The following NKD1 variants were observed in gnomAD, a reference collection of about 807,000 sequenced individuals.
NKD1 encodes protein naked cuticle homolog 1.
NKD1 carries 21 observed loss-of-function variants against 56.0 expected under a neutral mutation model. The ratio of observed to expected loss-of-function variants is 0.38; its 90% confidence interval spans 0.27 to 0.54. The LOEUF is 0.54. Among genes scored for constraint, NKD1 ranks in the 20% least tolerant of loss-of-function variants. NKD1 has a pLI of 0.82. For synonymous variants in NKD1, 263 were observed against 265.7 expected, an observed-to-expected ratio of 0.99 and a Z score of 0.10; for missense variants, 578 against 642.7, an observed-to-expected ratio of 0.90 and a Z score of 1.09.
chr16:50,615,919 A>G lies in NKD1; in HGVS notation c.260-5683A>G, dbSNP rs771891592. 2.6e-4 allele frequency: 104 copies of G among 392,806 alleles called. 1 individual carries two copies. The highest frequency in any genetic ancestry group is 6.8e-5 in the Non-Finnish European group (13 of 191,262). 24.3% of individuals were successfully genotyped at this position (392,806 alleles called of 1,614,324 possible). The stretch of plus-strand genomic sequence containing the variant: ...ATTCCCTAAGGAGAGCCTGATACAG[A>G]TACTGCAAGAAACCATTTGGCCTGG... On this transcript the variant is annotated intron_variant, in intron 4 of 9. Transcript: ENST00000268459.
chr16:50,549,314 C>A, intron 2 of NKD1, 108 bp from the exon 3 acceptor site: 1 of 1,414,666 alleles, frequency 7.1e-7, no homozygotes. Context: ...CCTCCTGGCC[C>A]CCGTGCCGTG....
intron 3 of NKD1, among the ~76,000 whole-genome samples, chr16:50,592,108 A>T (rs903634739): frequency 1.3e-5 from 2 of 152,150 alleles, no homozygotes; most frequent in Non-Finnish European, 2.9e-5. Flanking sequence ...CCACAGGGAG[A>T]CGCCAGGCCT....
intron 3 of NKD1, chr16:50,557,990 G>A (rs978815267): frequency 6.6e-6 from 1 of 152,242 alleles, no homozygotes; most frequent in East Asian, 1.9e-4. Flanking sequence ...AGAGGGGTGG[G>A]AACCGGGGTG....
intron 3 of NKD1, among the ~76,000 whole-genome samples, chr16:50,570,221 A>G (rs1380552571): frequency 6.6e-6 from 1 of 152,208 alleles, no homozygotes; most frequent in Non-Finnish European, 1.5e-5. Flanking sequence ...AACATTTAAA[A>G]TTACATGTGT....
chr16:50,615,912 G>C (rs1343723894), intron 4 of NKD1: 12 of 389,684 alleles, frequency 3.1e-5, no homozygotes, highest in African/African-American at 2.3e-4. Context: ...AGGAGAGCCT[G>C]ATACAGATAC....
In NKD1 at chr16:50,626,888, C is replaced by T. The variant is rs910639254; in HGVS notation, c.462+1308C>T. Among the ~76,000 whole-genome samples, 94 of 152,294 alleles carry T rather than the reference C, an allele frequency of 6.2e-4. 1 individual carries two copies. Among genetic ancestry groups the T allele is most frequent in the African/African-American group, 2.2e-3 (91 of 41,546 alleles). On this transcript the variant is annotated intron_variant, in intron 6 of 9. Transcript: ENST00000268459. ...CTTCTTGTCCAGCATGTGGGGGCCT[C>T]ATGTTCCCAGAGAGACACTAAAGCT...
intron 3 of NKD1, among the ~76,000 whole-genome samples, chr16:50,554,362 G>A (rs1204425026): frequency 6.6e-6 from 1 of 152,108 alleles, no homozygotes; most frequent in Admixed American, 6.5e-5. Context: ...GTACACTCTG[G>A]GATCAAACTG....
At chr16:50,584,399 G>C (rs1961183540) in intron 3 of NKD1, among the ~76,000 whole-genome samples, 1 of 152,214 alleles carries the variant, frequency 6.6e-6, no homozygotes, top group Non-Finnish European at 1.5e-5. Flanking sequence ...AATCAGTTAG[G>C]CATGAACAAA....
intron 3 of NKD1, among the ~76,000 whole-genome samples, chr16:50,599,967 G>A (rs1448923441): frequency 6.6e-6 from 1 of 152,064 alleles, no homozygotes; most frequent in African/African-American, 2.4e-5. Context: ...GAAGCCATGA[G>A]TCTTCAAGGA....
chr16:50,622,980 C>CGGCTGTG (rs1324518966), intron 5 of NKD1, among the ~76,000 whole-genome samples: 6 of 151,690 alleles, frequency 4.0e-5, no homozygotes, highest in Admixed American at 6.6e-5. Context: ...GAGGGAACAG[C>CGGCTGTG]GGCTGTGGAT....
At chr16:50,573,999 T>C in intron 3 of NKD1, 1 of 959,590 alleles carries the variant, frequency 1.0e-6, no homozygotes, top group Non-Finnish European at 1.2e-6. Context: ...CATGTGTGTC[T>C]ATATATACAT....
At chr16:50,599,165 A>G (rs981643319) in intron 3 of NKD1, among the ~76,000 whole-genome samples, 3 of 152,122 alleles carry the variant, frequency 2.0e-5, no homozygotes, top group East Asian at 3.9e-4. Flanking sequence ...CATCCCTGAC[A>G]AAAACCAGGG....
intron 3 of NKD1, among the ~76,000 whole-genome samples, chr16:50,565,015 C>A (rs1252691416): frequency 1.3e-5 from 2 of 152,254 alleles, no homozygotes; most frequent in Middle Eastern, 3.4e-3. Flanking sequence ...TCTTGGCCAA[C>A]AAGACCAGGA....
chr16:50,605,556 A>G (rs1485022690), intron 3 of NKD1, among the ~76,000 whole-genome samples: 1 of 152,220 alleles, frequency 6.6e-6, no homozygotes, highest in Non-Finnish European at 1.5e-5. Context: ...TCCGTACTGA[A>G]CACATACAGA....
At chr16:50,584,435 C>A (rs1447174729) in intron 3 of NKD1, among the ~76,000 whole-genome samples, 1 of 152,208 alleles carries the variant, frequency 6.6e-6, no homozygotes, top group Admixed American at 6.5e-5. Context: ...AATCAGCCTG[C>A]CCCAGTTTGG....
At chr16:50,603,710 G>A (rs978038252) in intron 3 of NKD1, among the ~76,000 whole-genome samples, 1 of 152,240 alleles carries the variant, frequency 6.6e-6, no homozygotes, top group African/African-American at 2.4e-5. Context: ...CCAAACTCCA[G>A]CTCGCTCCCC....
At chr16:50,601,879 G>A (rs1477258206) in intron 3 of NKD1, among the ~76,000 whole-genome samples, 1 of 152,176 alleles carries the variant, frequency 6.6e-6, no homozygotes, top group East Asian at 1.9e-4. Context: ...TGATGACCCA[G>A]GCAAGGAGGG....
chr16:50,576,410 T>C (rs967356723), intron 3 of NKD1, among the ~76,000 whole-genome samples: 11 of 152,218 alleles, frequency 7.2e-5, no homozygotes, highest in African/African-American at 2.7e-4. Flanking sequence ...TGATAATGAA[T>C]GACTCATAAG....
Position 50,548,722 on chromosome 16 carries a change from G to T in NKD1, c.31G>T (p.Val11Leu). MGKLHSKPAAVCKRRESPEGD... is the reference protein window; with the variant it reads MGKLHSKPAALCKRRESPEGD... ...GCCTCGCGATGTGCCTGCAGCCGCC[G>T]TGTGCAAGCGCAGGGAGAGCCCGGA... Residue 11 changes from valine (V) to leucine (L), a missense_variant, in exon 2 of 10, where the codon GTG becomes TTG. By Grantham distance (32) the Val-to-Leu change is conservative (BLOSUM62 1). Coordinates refer to ENST00000268459, the MANE Select transcript of NKD1 (RefSeq NM_033119.5). The T allele has an allele frequency of 6.9e-7, 1 of 1,453,188 alleles. No homozygotes were observed. The highest frequency in any genetic ancestry group is 9.0e-7 in the Non-Finnish European group (1 of 1,112,324). 90.0% of individuals were successfully genotyped at this position (1,453,188 alleles called of 1,614,324 possible). A position where few individuals can be genotyped will look rare whatever the true frequency, so the allele number is the denominator to read the frequency against.
Sources: gnomAD v4.1 joint callset for allele counts (sites outside exome capture counted in the v4.1 genomes callset) on GRCh38, gnomAD v4.1.1 for gene constraint, MANE v1.5 for transcripts, NCBI Gene and HGNC (gene_info 2026-07-23, HGNC 2026-07-21) for gene names.